Variants in LRRN1 observed in about 807,000 individuals in gnomAD.
LRRN1 encodes the protein leucine rich repeat neuronal 1.
LRRN1 carries 14 observed loss-of-function variants against 45.8 expected under a neutral mutation model. That is an observed-to-expected ratio of 0.31 (90% CI 0.20 to 0.48). The LOEUF (loss-of-function observed/expected upper bound fraction) is 0.48, where lower values mean the gene tolerates loss of function less well. Ranked by LOEUF, LRRN1 falls within the 20% of genes least tolerant of loss-of-function variation. The pLI, the probability that LRRN1 is intolerant of heterozygous loss-of-function variation, is 0.99. For missense variants in LRRN1, 789 were observed against 874.2 expected (o/e 0.90, Z 1.23); for synonymous variants, 359 against 330.1 (o/e 1.09, Z -0.95).
At chr3:3,837,170 A>G (rs1040492297) in intron 1 of LRRN1, among the ~76,000 whole-genome samples, 12 of 152,220 alleles carry the variant, frequency 7.9e-5, no homozygotes, top group Non-Finnish European at 1.3e-4. Flanking sequence ...GCTGGGGAAG[A>G]TGCCGGCCCA....
chr3:3,805,360 A>G (rs1232226239), intron 1 of LRRN1, among the ~76,000 whole-genome samples: 1 of 152,232 alleles, frequency 6.6e-6, no homozygotes, highest in Non-Finnish European at 1.5e-5. Flanking sequence ...GTTATTTCAC[A>G]ATAGTGATAA....
intron 1 of LRRN1, among the ~76,000 whole-genome samples, chr3:3,837,465 C>T (rs1693547598): frequency 6.6e-6 from 1 of 152,048 alleles, no homozygotes; most frequent in African/African-American, 2.4e-5. Context: ...TTCCTGCCAC[C>T]CTCTTAAAAA....
chr3:3,832,577 T>A (rs957003602), intron 1 of LRRN1, among the ~76,000 whole-genome samples: 1 of 152,138 alleles, frequency 6.6e-6, no homozygotes, highest in Non-Finnish European at 1.5e-5. Context: ...CATTTCCCTT[T>A]CCCCAGTGCA....
At position 3,816,339 on chromosome 3, in the gene LRRN1, T is replaced by C. The variant is rs999408466; in HGVS notation, c.-279+16420T>C. On this transcript the variant is annotated intron_variant, in intron 1 of 1. Transcript: ENST00000319331. This position sits in a 1 kb window ranked among gnomAD's most constrained non-coding sequence, Gnocchi z 4.0. ...ATGCATACTAAGATAGGGGAACACA[T>C]TGGCATCAAGGAAAATCTACAATAA... Among the ~76,000 whole-genome samples the C allele has an allele frequency of 3.9e-5, 6 of 152,124 alleles. No homozygotes were observed. Among genetic ancestry groups the C allele is most frequent in the East Asian group, 1.9e-4 (1 of 5,186 alleles).
At chr3:3,839,437 C>T (rs1290334360) in intron 1 of LRRN1, among the ~76,000 whole-genome samples, 1 of 152,138 alleles carries the variant, frequency 6.6e-6, no homozygotes. Context: ...AAGTCTCCAA[C>T]ATTGTTCTTT....
intron 1 of LRRN1, among the ~76,000 whole-genome samples, chr3:3,802,489 T>C (rs1244615620): frequency 2.0e-5 from 3 of 152,044 alleles, no homozygotes; most frequent in Non-Finnish European, 4.4e-5. Flanking sequence ...AAAGACAACA[T>C]TGTTTTGGAG....
chr3:3,801,263 C>T (rs1692646852), intron 1 of LRRN1: 2 of 152,236 alleles, frequency 1.3e-5, no homozygotes, highest in Non-Finnish European at 2.9e-5. Context: ...ATTTTCATTC[C>T]CAAACCTAAA....
chr3:3,842,781 C>CT (rs1280585870), intron 1 of LRRN1, among the ~76,000 whole-genome samples: 1 of 152,176 alleles, frequency 6.6e-6, no homozygotes, highest in African/African-American at 2.4e-5. Flanking sequence ...GCTTCGAATA[C>CT]TTTAGCAAGT....
At chr3:3,802,307 A>G (rs375243441) in intron 1 of LRRN1, among the ~76,000 whole-genome samples, 1 of 152,174 alleles carries the variant, frequency 6.6e-6, no homozygotes, top group African/African-American at 2.4e-5. Context: ...GAGGCAGGCG[A>G]TTATATTAAT....
chr3:3,810,459 C>T (rs1174582982), intron 1 of LRRN1, among the ~76,000 whole-genome samples: 1 of 152,226 alleles, frequency 6.6e-6, no homozygotes, highest in African/African-American at 2.4e-5. Flanking sequence ...ATATCATCAT[C>T]TTGTATCTTG....
intron 1 of LRRN1, among the ~76,000 whole-genome samples, chr3:3,843,109 C>T (rs1289200220): frequency 6.6e-6 from 1 of 152,202 alleles, no homozygotes; most frequent in East Asian, 1.9e-4. Flanking sequence ...AGCTACTACA[C>T]TAAGAACTTT....
intron 1 of LRRN1, among the ~76,000 whole-genome samples, chr3:3,817,029 T>C (rs1359590537): frequency 1.3e-5 from 2 of 152,224 alleles, no homozygotes; most frequent in Non-Finnish European, 2.9e-5. Context: ...TACGTGATTA[T>C]GGAGGCCGAG....
intron 1 of LRRN1, among the ~76,000 whole-genome samples, chr3:3,842,551 A>G (rs1471534597): frequency 1.3e-5 from 2 of 152,170 alleles, no homozygotes; most frequent in African/African-American, 4.8e-5. Flanking sequence ...ACTCTTAGTC[A>G]CAAAGATAAC....
At chr3:3,799,951 A>T (rs1417897976) in intron 1 of LRRN1, 32 bp downstream of exon 1, 1 of 153,818 alleles carries the variant, frequency 6.5e-6, no homozygotes, top group East Asian at 1.9e-4. Flanking sequence ...CCGCGGCAGG[A>T]GGTGTGGGAG....
intron 1 of LRRN1, among the ~76,000 whole-genome samples, chr3:3,818,503 A>G (rs895044904): frequency 6.6e-6 from 1 of 152,172 alleles, no homozygotes; most frequent in African/African-American, 2.4e-5. Flanking sequence ...TCTATTTCTT[A>G]AAAAGAAAAA....
In LRRN1 at chr3:3,846,192, T is replaced by C. The variant is rs2120609; in HGVS notation, c.1551T>C (p.Asn517=). Residue 517 remains asparagine (N), a synonymous_variant, in exon 2 of 2, where the codon AAT becomes AAC. Transcript: ENST00000319331. The surrounding 1 kb of genome is among the most constrained non-coding windows in gnomAD (Gnocchi z 5.7). ...ADTRVATIKV[N]GTLLDGTQVL... Reference sequence around the variant, plus strand: ...CTCGGGTGGCAACAATTAAGGTTAATGGGACCCTTCTGGATGGTACCCAGG... The same window carrying C: ...CTCGGGTGGCAACAATTAAGGTTAACGGGACCCTTCTGGATGGTACCCAGG... 1,102,440 of 1,613,818 alleles carry C rather than the reference T, an allele frequency of 0.68. 387,577 individuals are homozygous for C. The highest frequency in any genetic ancestry group is 0.73 in the Non-Finnish European group (863,193 of 1,179,952).
Position 3,846,306 on chromosome 3 carries a change from A to G in LRRN1, c.1665A>G (p.Lys555=). 6.2e-7 allele frequency: 1 copy of G among 1,614,042 alleles called. No homozygotes were observed. Among genetic ancestry groups the G allele is most frequent in the Non-Finnish European group, 8.5e-7 (1 of 1,179,990 alleles). The change falls in exon 2 of 2, where the codon AAA becomes AAG. Residue 555 remains lysine, a synonymous_variant. Coordinates refer to ENST00000319331, the MANE Select transcript of LRRN1 (RefSeq NM_020873.7). This position sits in a 1 kb window ranked among gnomAD's most constrained non-coding sequence, Gnocchi z 5.7. ...CCAATGTCATGACGTCAAACTTAAA[A>G]TGGTCGTCTGCCACCATGAAGATTG... ...VNSNVMTSNL[K]WSSATMKIDN...
intron 1 of LRRN1, among the ~76,000 whole-genome samples, chr3:3,808,412 A>G (rs530519986): frequency 6.6e-6 from 1 of 152,346 alleles, no homozygotes; most frequent in African/African-American, 2.4e-5. Context: ...ACCTTGCCCA[A>G]GGTCAAACAA....
At chr3:3,839,618 A>T (rs1693604026) in intron 1 of LRRN1, among the ~76,000 whole-genome samples, 1 of 152,062 alleles carries the variant, frequency 6.6e-6, no homozygotes, top group Non-Finnish European at 1.5e-5. Flanking sequence ...TAAACATGGG[A>T]TGTTTCATCA....
Sources: gnomAD v4.1 joint callset for allele counts (sites outside exome capture counted in the v4.1 genomes callset) on GRCh38, gnomAD v4.1.1 for gene constraint, Gnocchi (gnomAD v3.1) non-coding constraint, MANE v1.5 for transcripts, NCBI Gene and HGNC (gene_info 2026-07-23, HGNC 2026-07-21) for gene names.